The following SHTN1 variants were observed in gnomAD, a reference collection of about 807,000 sequenced individuals.
SHTN1 encodes the protein shootin-1.
SHTN1 carries 42 observed loss-of-function variants against 83.1 expected under a neutral mutation model. The ratio of observed to expected loss-of-function variants is 0.51; its 90% CI spans 0.39 to 0.65. The LOEUF (loss-of-function observed/expected upper bound fraction) is 0.65. Among genes scored for constraint, SHTN1 ranks in the 30% least tolerant of loss-of-function variants. The pLI, the probability that SHTN1 is intolerant of heterozygous loss-of-function variation, is 0.00. For missense variants in SHTN1, 622 were observed against 737.8 expected (o/e 0.84, Z 1.82); for synonymous variants, 224 against 247.7 (o/e 0.90, Z 0.90).
At chr10:116,945,182 T>C (rs1019040054) in intron 7 of SHTN1, among the ~76,000 whole-genome samples, 164 bp from the exon 8 acceptor site, 5 of 152,202 alleles carry the variant, frequency 3.3e-5, no homozygotes, top group Admixed American at 3.3e-4. Context: ...GGAGAGCAAC[T>C]TGGCAACGTG....
chr10:117,003,461 T>C (rs74159020), intron 1 of SHTN1, among the ~76,000 whole-genome samples: 5,180 of 150,978 alleles, frequency 0.034, 285 homozygotes, highest in African/African-American at 0.11. Flanking sequence ...ATGTGTTATG[T>C]CCATTTCAGA....
intron 2 of SHTN1, among the ~76,000 whole-genome samples, chr10:117,012,759 A>G (rs1380684151): frequency 2.0e-5 from 3 of 152,228 alleles, no homozygotes; most frequent in Non-Finnish European, 4.4e-5. Context: ...GATTTTATGA[A>G]AGATAAAAGA....
At chr10:117,125,319 A>C (rs1853987210) in intron 1 of SHTN1, among the ~76,000 whole-genome samples, 1 of 152,138 alleles carries the variant, frequency 6.6e-6, no homozygotes, top group African/African-American at 2.4e-5. Context: ...AAACGAAAAT[A>C]ATGGTGATGT....
chr10:117,004,963 G>A, intron 1 of SHTN1, 59 bp downstream of exon 1: 1 of 1,505,616 alleles, frequency 6.6e-7, no homozygotes. Flanking sequence ...CCAGCGCCCT[G>A]GGGCCGTCCC....
chr10:117,086,311 CT>C (rs1229516858), intron 1 of SHTN1, among the ~76,000 whole-genome samples: 2 of 152,222 alleles, frequency 1.3e-5, no homozygotes, highest in Admixed American at 1.3e-4. Flanking sequence ...CATCACTTTA[CT>C]TTTAGTCAAT....
chr10:117,023,651 T>C (rs1389992772), intron 2 of SHTN1: 1 of 152,662 alleles, frequency 6.6e-6, no homozygotes, highest in African/African-American at 2.4e-5. Flanking sequence ...TGTAAAAAGA[T>C]TGAGCGTTTT....
At chr10:116,940,252 A>C (rs1849319033) in intron 9 of SHTN1, among the ~76,000 whole-genome samples, 1 of 152,190 alleles carries the variant, frequency 6.6e-6, no homozygotes, top group Non-Finnish European at 1.5e-5. Context: ...GATTATTATA[A>C]AGTCTATAAT....
chr10:116,938,894 G>C (rs1018819914), intron 9 of SHTN1, among the ~76,000 whole-genome samples: 2 of 152,228 alleles, frequency 1.3e-5, no homozygotes, highest in Non-Finnish European at 2.9e-5. Flanking sequence ...AGGCAGTCTA[G>C]CTACAGCAGC....
At chr10:117,054,671 T>G (rs1589913584) in intron 1 of SHTN1, among the ~76,000 whole-genome samples, 1 of 152,084 alleles carries the variant, frequency 6.6e-6, no homozygotes, top group South Asian at 2.1e-4. Flanking sequence ...CCTCCCAAAG[T>G]GCTGGGATTA....
intron 2 of SHTN1, among the ~76,000 whole-genome samples, chr10:116,977,934 C>T (rs1850868809): frequency 6.6e-6 from 1 of 152,066 alleles, no homozygotes; most frequent in African/African-American, 2.4e-5. Context: ...ACCTCAGCCT[C>T]CCAAAGTGCT....
chr10:116,900,736 C>T, intron 16 of SHTN1: 1 of 984,180 alleles, frequency 1.0e-6, no homozygotes. Context: ...TCTGTTAGAA[C>T]TGTTCAAATG....
intron 4 of SHTN1, among the ~76,000 whole-genome samples, chr10:116,955,144 T>A (rs1849937434): frequency 6.6e-6 from 1 of 152,090 alleles, no homozygotes; most frequent in South Asian, 2.1e-4. Context: ...GTTAATGTAT[T>A]TTTTATTCCC....
At chr10:116,983,232 G>A (rs1851092685) in intron 1 of SHTN1, among the ~76,000 whole-genome samples, 2 of 152,118 alleles carry the variant, frequency 1.3e-5, no homozygotes, top group Admixed American at 6.5e-5. Flanking sequence ...ATCTCTCATA[G>A]TGTTGTTATT....
intron 1 of SHTN1, among the ~76,000 whole-genome samples, chr10:117,062,829 G>A (rs2133596615): frequency 6.6e-6 from 1 of 152,164 alleles, no homozygotes; most frequent in Middle Eastern, 3.4e-3. Flanking sequence ...TTCCCCTTAT[G>A]GTCAATAAAT....
intron 2 of SHTN1, among the ~76,000 whole-genome samples, chr10:116,969,655 G>A (rs1206416492): frequency 1.3e-5 from 2 of 152,270 alleles, no homozygotes; most frequent in East Asian, 3.9e-4. Flanking sequence ...GACTTTGGGA[G>A]GCAAGACCAT....
At chr10:117,102,791 C>T (rs1395012453) in intron 1 of SHTN1, among the ~76,000 whole-genome samples, 2 of 152,184 alleles carry the variant, frequency 1.3e-5, no homozygotes, top group South Asian at 2.1e-4. Flanking sequence ...GGGAATTACA[C>T]ATGTAACTTC....
Position 116,886,249 on chromosome 10 carries a change from A to T in SHTN1, c.*95T>A. The T allele has an allele frequency of 1.3e-6, 2 of 1,497,612 alleles. No homozygotes were observed. The highest frequency in any genetic ancestry group is 1.8e-6 in the Non-Finnish European group (2 of 1,108,326). The allele number at this position is 1,497,612 out of a possible 1,614,324, so 92.8% of individuals were successfully genotyped here. On this transcript the variant is annotated 3_prime_UTR_variant, in exon 17 of 17. Coordinates refer to ENST00000355371, the MANE Select transcript of SHTN1 (RefSeq NM_001127211.3). ...AACCTGTATTCTGAATACAGTGACC[A>T]GAGCAGAATGTCTACAGCCCTTGCC...
At position 117,118,363 on chromosome 10, in the gene SHTN1, C is replaced by CA. The variant is rs57432703; in HGVS notation, c.-189+7943dup. Among the ~76,000 whole-genome samples the CA allele has an allele frequency of 1.2e-3, 137 of 118,416 alleles. 3 individuals carry two copies. Among genetic ancestry groups the CA allele is most frequent in the Middle Eastern group, 9.1e-3 (2 of 220 alleles). The allele number at this position is 118,416 out of a possible 152,430, so 77.7% of individuals were successfully genotyped here. A position where few individuals can be genotyped will look rare whatever the true frequency, so the allele number is the denominator to read the frequency against. ...CACCACAATGAAATATAATCCATTT[C>CA]AAAAAAAAAAAAAAAAAAAAAAAAA... On this transcript the variant is annotated intron_variant, in intron 1 of 17. Coordinates refer to the SHTN1 transcript ENST00000392901.
At chr10:117,017,850 A>G (rs942619324) in intron 2 of SHTN1, among the ~76,000 whole-genome samples, 1 of 152,214 alleles carries the variant, frequency 6.6e-6, no homozygotes, top group Non-Finnish European at 1.5e-5. Context: ...ATTAACTTAC[A>G]TTGATATGAC....
Sources: allele counts gnomAD v4.1 joint callset (sites outside exome capture counted in the v4.1 genomes callset), GRCh38; gene constraint gnomAD v4.1.1; transcripts MANE v1.5; gene names NCBI Gene and HGNC (gene_info 2026-07-23, HGNC 2026-07-21).